ZGRF1: variants seen among roughly 807,000 people sequenced by gnomAD.
ZGRF1 encodes zinc finger GRF-type containing 1.
ZGRF1 carries 196 observed loss-of-function variants against 203.5 expected under a neutral mutation model. The ratio of observed to expected loss-of-function variants is 0.96; its 90% confidence interval spans 0.86 to 1.08. ZGRF1 has a LOEUF of 1.08. Among genes scored for constraint, ZGRF1 ranks in the 50% least tolerant of loss-of-function variants. The pLI is 0.00. For synonymous variants in ZGRF1, 809 were observed against 841.3 expected, an observed-to-expected ratio of 0.96 and a Z score of 0.66; for missense variants, 2,326 against 2,416.3, an observed-to-expected ratio of 0.96 and a Z score of 0.78.
intron 22 of ZGRF1, among the ~76,000 whole-genome samples, chr4:112,548,737 C>A (rs1739325810): frequency 6.6e-6 from 1 of 151,086 alleles, no homozygotes; most frequent in Admixed American, 6.6e-5. Context: ...TCAACACAGG[C>A]CAAAGTTCTT....
chr4:112,540,014 G>A lies in ZGRF1; in HGVS notation c.6021C>T (p.Ser2007=). 6.2e-7 allele frequency: 1 copy of A among 1,613,102 alleles called. No homozygotes were observed. The highest frequency in any genetic ancestry group is 8.5e-7 in the Non-Finnish European group (1 of 1,179,430). ...ATCCTACTTGTCTTGTCCTTACACAGGACAGAATAATGATCTCCTTTTCAG... is the reference window on the plus strand; with the variant it reads ...ATCCTACTTGTCTTGTCCTTACACAAGACAGAATAATGATCTCCTTTTCAG... The part of the protein sequence containing the change: ...QGAEKEIIIL[S]CVRTRQVGFI... Residue 2007 remains serine, a synonymous_variant, in exon 27 of 28, where the codon TCC becomes TCT. Transcript: ENST00000505019.
At chr4:112,542,813 CT>C in intron 24 of ZGRF1, among the ~76,000 whole-genome samples, 1 of 135,998 alleles carries the variant, frequency 7.4e-6, no homozygotes, top group African/African-American at 2.7e-5. Context: ...CTTTTCTTTT[CT>C]TTTTCTTTCT....
Position 112,631,950 on chromosome 4 carries a change from T to C in ZGRF1, c.82A>G (p.Ile28Val), listed in dbSNP as rs1027019866. 6 of 1,597,832 alleles carry C rather than the reference T, an allele frequency of 3.8e-6. No homozygotes were observed. Among genetic ancestry groups the C allele is most frequent in the Non-Finnish European group, 5.1e-6 (6 of 1,171,868 alleles). Residue 28 changes from isoleucine to valine, a missense_variant, in exon 3 of 28, where the codon ATC becomes GTC. Transcript: ENST00000505019. ...CTCACTTTGTTTCCTAAGTGAGTGA[T>C]CTTCAGAATTCCATCTTGCCACACT... is the stretch of plus-strand genomic sequence containing the variant. ...SKVWQDGILK[I>V]THLGNKAILY...
At chr4:112,575,101 G>C (rs1260933624) in intron 16 of ZGRF1, among the ~76,000 whole-genome samples, 2 of 151,572 alleles carry the variant, frequency 1.3e-5, no homozygotes, top group Non-Finnish European at 2.9e-5. Context: ...AAAATTTGGG[G>C]TTCAATGTTG....
rs752438478 is a variant in ZGRF1 at position 112,619,464 on chromosome 4, G to A, written c.578C>T (p.Ser193Phe). 3.7e-6 allele frequency: 6 copies of A among 1,611,604 alleles called. No homozygotes were observed. Among genetic ancestry groups the A allele is most frequent in the Non-Finnish European group, 5.1e-6 (6 of 1,178,710 alleles). The change falls in exon 6 of 28, where the codon TCT becomes TTT. Residue 193 changes from serine to phenylalanine, a missense_variant. Ser to Phe is a radical substitution (Grantham distance 155). Coordinates refer to ENST00000505019, the MANE Select transcript of ZGRF1 (RefSeq NM_018392.5). ...CTGGAAGGATGGAGAAAAAACCGAAGAAAAATCCATGGCATTTCTCTCCCT... is the reference window on the plus strand; with the variant it reads ...CTGGAAGGATGGAGAAAAAACCGAAAAAAAATCCATGGCATTTCTCTCCCT... ...KNRERNAMDF[S>F]SVFSPSFQIN...
chr4:112,632,502 C>T, intron 2 of ZGRF1, among the ~76,000 whole-genome samples: 1 of 152,164 alleles, frequency 6.6e-6, no homozygotes, highest in East Asian at 1.9e-4. Context: ...GCTGTCTTTT[C>T]ATCCTCACTC....
rs780047175 is a variant in ZGRF1, at chr4:112,560,736, G to A, written c.4957C>T (p.His1653Tyr). The A allele has an allele frequency of 1.8e-5, 28 of 1,582,570 alleles. No homozygotes were observed. The highest frequency in any genetic ancestry group is 2.4e-5 in the Non-Finnish European group (28 of 1,158,288). ...TATTTTCTTTCTTGCTTCTTACCAT[G>A]TATGATTGTGATAGGGAAGGTATGA... ...QTHTFPITII[H>Y]GVFGAGKSYL... is the part of the protein sequence containing the mutation. The change falls in exon 19 of 28, where the codon CAT (histidine) becomes TAT (tyrosine). Residue 1653 changes from histidine to tyrosine, a missense_variant. Coordinates refer to ENST00000505019, the MANE Select transcript of ZGRF1 (RefSeq NM_018392.5).
chr4:112,630,239 C>G (rs1040792764), intron 3 of ZGRF1, among the ~76,000 whole-genome samples: 3 of 152,206 alleles, frequency 2.0e-5, no homozygotes, highest in Non-Finnish European at 4.4e-5. Flanking sequence ...TGGCTCAGGC[C>G]AGGCGCAGTG....
intron 3 of ZGRF1, chr4:112,628,592 T>C (rs1390549347): frequency 2.2e-6 from 1 of 455,974 alleles, no homozygotes; most frequent in East Asian, 6.9e-5. Context: ...GAGGGCGTTA[T>C]TTAGGAAACA....
At chr4:112,591,717 A>G (rs1339023280) in intron 10 of ZGRF1, among the ~76,000 whole-genome samples, 1 of 152,092 alleles carries the variant, frequency 6.6e-6, no homozygotes, top group East Asian at 1.9e-4. Flanking sequence ...AGATATCTGC[A>G]TGCCTTTCTC....
chr4:112,621,732 T>TA (rs33978690), intron 4 of ZGRF1, among the ~76,000 whole-genome samples: 2 of 25,134 alleles, frequency 8.0e-5, no homozygotes, highest in Non-Finnish European at 1.5e-4. Flanking sequence ...AATGAAATGA[T>TA]TTTTTTTTCT....
At chr4:112,636,630 G>T (rs747698758) in intron 1 of ZGRF1, 7 of 152,060 alleles carry the variant, frequency 4.6e-5, no homozygotes, top group Non-Finnish European at 8.8e-5. Context: ...GCCCTCTTTG[G>T]TCCTCATACC....
chr4:112,625,540 C>A (rs1174056953), intron 3 of ZGRF1, among the ~76,000 whole-genome samples: 10 of 140,348 alleles, frequency 7.1e-5, no homozygotes, highest in Non-Finnish European at 1.5e-5. Flanking sequence ...AAGCCGAGAT[C>A]GCGCCACTGC....
At chr4:112,586,279 C>T (rs1747170735) in intron 13 of ZGRF1, among the ~76,000 whole-genome samples, 166 bp downstream of exon 13, 1 of 150,890 alleles carries the variant, frequency 6.6e-6, no homozygotes, top group East Asian at 1.9e-4. Flanking sequence ...ACTTTTAAAA[C>T]TCAGTTTTGA....
In ZGRF1 at chr4:112,561,633, T is replaced by C. The variant is rs1009649040; in HGVS notation, c.4698-638A>G. On this transcript the variant is annotated intron_variant, in intron 18 of 27. Coordinates refer to ENST00000505019, the MANE Select transcript of ZGRF1 (RefSeq NM_018392.5). ...TTAATGCATTTAATATAATATCACTTCCAATTTTTTAAAAAGGGACATGGT... is the reference window on the plus strand; with the variant it reads ...TTAATGCATTTAATATAATATCACTCCCAATTTTTTAAAAAGGGACATGGT... 5 of 152,386 alleles carry C rather than the reference T, an allele frequency of 3.3e-5. No individual in the cohort carries two copies. In the East Asian group the frequency reaches 9.6e-4, roughly 29 times the overall value. The allele number at this position is 152,386 out of a possible 1,614,324, so 9.4% of individuals were successfully genotyped here.
chr4:112,583,414 G>A (rs1470506512), intron 15 of ZGRF1, among the ~76,000 whole-genome samples: 2 of 152,068 alleles, frequency 1.3e-5, no homozygotes, highest in African/African-American at 2.4e-5. Flanking sequence ...AAATAGCCCC[G>A]ACTATATACA....
intron 10 of ZGRF1, among the ~76,000 whole-genome samples, chr4:112,601,260 A>G (rs894580860): frequency 6.6e-6 from 1 of 152,128 alleles, no homozygotes; most frequent in Admixed American, 6.5e-5. Flanking sequence ...TTTAAAAATT[A>G]GCTGGGCAGC....
At chr4:112,555,939 TTTG>T in intron 20 of ZGRF1, among the ~76,000 whole-genome samples, 1 of 152,200 alleles carries the variant, frequency 6.6e-6, no homozygotes, top group Non-Finnish European at 1.5e-5. Flanking sequence ...TTCTCGTTTT[TTTG>T]TTTTCTTTTG....
intron 20 of ZGRF1, among the ~76,000 whole-genome samples, chr4:112,557,192 G>A (rs1023062097): frequency 5.5e-5 from 8 of 146,308 alleles, no homozygotes; most frequent in African/African-American, 2.1e-4. Context: ...TTTTTTTTGA[G>A]ACAGATTCTC....
Sources: allele counts gnomAD v4.1 joint callset (sites outside exome capture counted in the v4.1 genomes callset), GRCh38; gene constraint gnomAD v4.1.1; transcripts MANE v1.5; gene names NCBI Gene and HGNC (gene_info 2026-07-23, HGNC 2026-07-21).